The following DNAJC1 variants were observed in gnomAD, a reference collection of about 807,000 sequenced individuals.
The protein encoded by DNAJC1 is DnaJ heat shock protein family (Hsp40) member C1.
DNAJC1 carries 58 observed loss-of-function variants against 76.6 expected under a neutral mutation model. That is an observed-to-expected ratio of 0.76 (90% CI 0.61 to 0.94). The LOEUF (loss-of-function observed/expected upper bound fraction) is 0.94, where lower values mean the gene tolerates loss of function less well. Ranked by LOEUF, DNAJC1 falls within the 40% of genes least tolerant of loss-of-function variation. DNAJC1 has a pLI of 0.00. For missense variants in DNAJC1, 689 were observed against 677.3 expected, an observed-to-expected ratio of 1.02 and a Z score of -0.19; for synonymous variants, 258 against 267.9, an observed-to-expected ratio of 0.96 and a Z score of 0.36.
At position 21,846,400 on chromosome 10, in the gene DNAJC1, A is replaced by G. The variant is rs183956184; in HGVS notation, c.978+35882T>C. 3.7e-3 allele frequency among the ~76,000 whole-genome samples: 562 copies of G among 152,300 alleles called. 5 individuals are homozygous for G. Among genetic ancestry groups the G allele is most frequent in the African/African-American group, 0.013 (551 of 41,570 alleles). Reference sequence around the variant, plus strand: ...AAACCAAAGGTTTAAAGTTTCCTCAATATGGTTGACCAGGTATCTGGACCA... The same window carrying G: ...AAACCAAAGGTTTAAAGTTTCCTCAGTATGGTTGACCAGGTATCTGGACCA... On this transcript the variant is annotated intron_variant, in intron 8 of 11. Transcript: ENST00000376980.
intron 1 of DNAJC1, among the ~76,000 whole-genome samples, chr10:21,975,315 C>A (rs1038972181): frequency 6.6e-6 from 1 of 151,098 alleles, no homozygotes; most frequent in African/African-American, 2.4e-5. Flanking sequence ...AAATAAGCTG[C>A]AATAAATAAA....
chr10:21,952,542 G>T (rs997249299), intron 1 of DNAJC1, among the ~76,000 whole-genome samples: 4 of 152,118 alleles, frequency 2.6e-5, no homozygotes, highest in African/African-American at 7.2e-5. Flanking sequence ...CGATCACCTG[G>T]GGTCGGGAGT....
At chr10:21,785,856 AAG>A (rs1834599403) in intron 9 of DNAJC1, among the ~76,000 whole-genome samples, 1 of 152,220 alleles carries the variant, frequency 6.6e-6, no homozygotes. Context: ...TTGTACGACT[AAG>A]AAGGGCACTG....
intron 1 of DNAJC1, among the ~76,000 whole-genome samples, chr10:21,996,458 C>T (rs1451030435): frequency 1.3e-5 from 2 of 152,186 alleles, no homozygotes; most frequent in Non-Finnish European, 2.9e-5. Flanking sequence ...CTGTTTTATT[C>T]TCAACATTGA....
At chr10:21,841,506 TC>T (rs1835573775) in intron 8 of DNAJC1, among the ~76,000 whole-genome samples, 1 of 152,174 alleles carries the variant, frequency 6.6e-6, no homozygotes, top group South Asian at 2.1e-4. Flanking sequence ...GAAAAAATGC[TC>T]ACCATCACTG....
chr10:21,837,961 G>C (rs1590005704), intron 8 of DNAJC1, among the ~76,000 whole-genome samples: 1 of 148,042 alleles, frequency 6.8e-6, no homozygotes, highest in Non-Finnish European at 1.5e-5. Flanking sequence ...CCGGGAGGGA[G>C]GTGGGGGGCA....
chr10:21,769,423 G>A (rs1002446636), intron 9 of DNAJC1, among the ~76,000 whole-genome samples: 3 of 152,178 alleles, frequency 2.0e-5, no homozygotes, highest in Non-Finnish European at 4.4e-5. Context: ...CAGAATCTGA[G>A]GCCCAGGGAG....
intron 1 of DNAJC1, among the ~76,000 whole-genome samples, chr10:21,931,741 G>C (rs914860172): frequency 1.3e-5 from 2 of 152,194 alleles, no homozygotes; most frequent in Admixed American, 1.3e-4. Context: ...TAATACATTT[G>C]ATATCACATT....
intron 9 of DNAJC1, chr10:21,785,713 G>A (rs1427049350): frequency 6.6e-6 from 1 of 152,164 alleles, no homozygotes; most frequent in Non-Finnish European, 1.5e-5. Flanking sequence ...AAAAGGCAAA[G>A]TACTCTGTTG....
At chr10:21,790,984 A>G (rs1834678866) in intron 9 of DNAJC1, among the ~76,000 whole-genome samples, 1 of 152,176 alleles carries the variant, frequency 6.6e-6, no homozygotes, top group Non-Finnish European at 1.5e-5. Context: ...CGTATAAGAA[A>G]TTCACTTCAC....
chr10:21,869,495 C>T (rs1836066872), intron 8 of DNAJC1, among the ~76,000 whole-genome samples: 1 of 152,112 alleles, frequency 6.6e-6, no homozygotes, highest in Admixed American at 6.5e-5. Context: ...ATACCTTTGC[C>T]TGTAACTATT....
chr10:21,767,676 C>A (rs930312764), intron 9 of DNAJC1, among the ~76,000 whole-genome samples: 1 of 152,104 alleles, frequency 6.6e-6, no homozygotes, highest in African/African-American at 2.4e-5. Flanking sequence ...AAAATCTCTG[C>A]CTATGTAACC....
At chr10:21,813,948 A>G (rs534239182) in intron 8 of DNAJC1, among the ~76,000 whole-genome samples, 52 of 152,308 alleles carry the variant, frequency 3.4e-4, no homozygotes, top group African/African-American at 1.0e-3. Flanking sequence ...TCTCTGACCC[A>G]GGAGTCTCAT....
rs1288926546 is a variant in DNAJC1, at chr10:21,881,712, T to C, written c.978+570A>G. Reference sequence around the variant, plus strand: ...TCACAGATGACCATACCAGATGTTATAGTAATGAAAAGTTTGAAATACCAC... The same window carrying C: ...TCACAGATGACCATACCAGATGTTACAGTAATGAAAAGTTTGAAATACCAC... On this transcript the variant is annotated intron_variant, in intron 8 of 11. Transcript: ENST00000376980. Among the ~76,000 whole-genome samples the C allele has an allele frequency of 6.6e-5, 10 of 151,844 alleles. No individual in the cohort carries two copies. The South Asian group carries it at 8.3e-4, about 13-fold the overall frequency.
chr10:21,990,480 C>T (rs1281073154), intron 1 of DNAJC1, among the ~76,000 whole-genome samples: 2 of 152,064 alleles, frequency 1.3e-5, no homozygotes, highest in African/African-American at 4.8e-5. Flanking sequence ...AGTATATGTT[C>T]AGGGGTACTC....
chr10:22,003,436 G>T lies in DNAJC1; in HGVS notation c.-2C>A. On this transcript the variant is annotated 5_prime_UTR_variant, in exon 1 of 12. Transcript: ENST00000376980. ...CGGCTGGGAGCAAGGAGCCGTCATC[G>T]CGCTGGGCTCGGAAAGGTCACCCGC... The T allele has an allele frequency of 6.6e-6, 9 of 1,364,818 alleles. No homozygotes were observed. Among genetic ancestry groups the T allele is most frequent in the Non-Finnish European group, 8.5e-6 (9 of 1,062,236 alleles). 84.5% of individuals were successfully genotyped at this position (1,364,818 alleles called of 1,614,324 possible). A position where few individuals can be genotyped will look rare whatever the true frequency, so the allele number is the denominator to read the frequency against.
At position 21,861,979 on chromosome 10, in the gene DNAJC1, C is replaced by T. The variant is rs550648568; in HGVS notation, c.978+20303G>A. Among the ~76,000 whole-genome samples the T allele has an allele frequency of 8.6e-5, 13 of 152,008 alleles. No homozygotes were observed. In the South Asian group the frequency reaches 1.5e-3, roughly 17 times the overall value. Reference sequence around the variant, plus strand: ...TGTTGCCCAGGCTAGAGTGCAATGGCGCAATCTTGGCTCACCACAACCTCC... The same window carrying T: ...TGTTGCCCAGGCTAGAGTGCAATGGTGCAATCTTGGCTCACCACAACCTCC... On this transcript the variant is annotated intron_variant, in intron 8 of 11. Transcript: ENST00000376980.
At chr10:21,992,031 C>T (rs1838332637) in intron 1 of DNAJC1, among the ~76,000 whole-genome samples, 1 of 152,214 alleles carries the variant, frequency 6.6e-6, no homozygotes, top group Non-Finnish European at 1.5e-5. Flanking sequence ...TAATTTTTGG[C>T]TGGACATGGT....
At chr10:21,968,733 A>G (rs1837929349) in intron 1 of DNAJC1, among the ~76,000 whole-genome samples, 1 of 152,000 alleles carries the variant, frequency 6.6e-6, no homozygotes, top group South Asian at 2.1e-4. Flanking sequence ...GATGGTCTCA[A>G]TCTCCTGACC....
Sources: gnomAD v4.1 joint callset for allele counts (sites outside exome capture counted in the v4.1 genomes callset) on GRCh38, gnomAD v4.1.1 for gene constraint, MANE v1.5 for transcripts, NCBI Gene and HGNC (gene_info 2026-07-23, HGNC 2026-07-21) for gene names.